The following IL18RAP variants were observed in gnomAD, a reference collection of about 807,000 sequenced individuals.
IL18RAP encodes the protein interleukin-18 receptor accessory protein.
Under a neutral mutation model 58.1 loss-of-function variants are expected in IL18RAP, and 37 were observed. The observed-to-expected ratio is 0.64, with a 90% confidence interval of 0.49 to 0.84. IL18RAP has a LOEUF of 0.84. Among genes scored for constraint, IL18RAP ranks in the 40% least tolerant of loss-of-function variants. The pLI, the probability that IL18RAP is intolerant of heterozygous loss-of-function variation, is 0.00. For missense variants in IL18RAP, 667 were observed against 704.8 expected, an observed-to-expected ratio of 0.95 and a Z score of 0.61; for synonymous variants, 268 against 257.5, an observed-to-expected ratio of 1.04 and a Z score of -0.39.
chr2:102,426,627 A>G (rs1382826375), intron 3 of IL18RAP, among the ~76,000 whole-genome samples: 1 of 152,168 alleles, frequency 6.6e-6, no homozygotes, highest in Non-Finnish European at 1.5e-5. Context: ...CAGGGAGAAG[A>G]ATGAAATTGT....
At chr2:102,448,726 A>T (rs1157726779) in intron 8 of IL18RAP, among the ~76,000 whole-genome samples, 1 of 150,640 alleles carries the variant, frequency 6.6e-6, no homozygotes, top group East Asian at 2.0e-4. Flanking sequence ...TTGGGAGGCC[A>T]AAGTGGGAGG....
At chr2:102,428,740 T>C (rs1682135734) in intron 3 of IL18RAP, among the ~76,000 whole-genome samples, 1 of 151,980 alleles carries the variant, frequency 6.6e-6, no homozygotes, top group African/African-American at 2.4e-5. Context: ...TCCAGTGCTA[T>C]GATGAAACGA....
At chr2:102,426,808 T>C (rs767017425) in intron 3 of IL18RAP, among the ~76,000 whole-genome samples, 1 of 151,218 alleles carries the variant, frequency 6.6e-6, no homozygotes, top group African/African-American at 2.4e-5. Flanking sequence ...AATACAATAT[T>C]ATTGGCTATA....
intron 3 of IL18RAP, among the ~76,000 whole-genome samples, chr2:102,429,338 G>T (rs1682182106): frequency 6.6e-6 from 1 of 151,716 alleles, no homozygotes; most frequent in African/African-American, 2.4e-5. Context: ...TTTCTTTTAG[G>T]TTATTCATTT....
chr2:102,432,743 G>A (rs1480164810), intron 3 of IL18RAP, among the ~76,000 whole-genome samples: 1 of 152,220 alleles, frequency 6.6e-6, no homozygotes, highest in African/African-American at 2.4e-5. Flanking sequence ...GGGGAAGGCT[G>A]CAGGAAGGTG....
intron 1 of IL18RAP, among the ~76,000 whole-genome samples, 168 bp downstream of exon 1, chr2:102,423,515 C>T (rs1681714345): frequency 6.6e-6 from 1 of 152,132 alleles, no homozygotes; most frequent in Non-Finnish European, 1.5e-5. Context: ...TCAGCTGATA[C>T]CAAGCATTGT....
intron 3 of IL18RAP, among the ~76,000 whole-genome samples, chr2:102,430,893 GATTA>G (rs1380657687): frequency 6.6e-6 from 1 of 152,026 alleles, no homozygotes; most frequent in East Asian, 1.9e-4. Context: ...GTTTCTTAAT[GATTA>G]ATTACAGCTA....
chr2:102,423,380 G>A, intron 1 of IL18RAP, 33 bp downstream of exon 1: 1 of 1,560,292 alleles, frequency 6.4e-7, no homozygotes, highest in Non-Finnish European at 8.8e-7. Flanking sequence ...TTAGCACTGT[G>A]AGTCTGTGGT....
At position 102,443,294 on chromosome 2, in the gene IL18RAP, G is replaced by A. The variant is rs201331437; in HGVS notation, c.891G>A (p.Glu297=). 1.4e-5 allele frequency: 22 copies of A among 1,613,738 alleles called. No homozygotes were observed. In the Admixed American group the frequency reaches 3.2e-4, roughly 23 times the overall value. Residue 297 remains glutamate, a synonymous_variant, in exon 6 of 10, where the codon GAG becomes GAA. Transcript: ENST00000687160. The part of the protein sequence containing the change: ...IKWYIKDSDL[E]WEVSVPEAKS... The stretch of plus-strand genomic sequence containing the variant: ...GGTACATCAAAGATTCTGACCTAGA[G>A]TGGGAAGTCTCAGTACCTGAGGCGA...
At chr2:102,438,789 A>G (rs547930660) in intron 4 of IL18RAP, 1 of 152,394 alleles carries the variant, frequency 6.6e-6, no homozygotes, top group East Asian at 1.9e-4. Context: ...TAAGGCTACA[A>G]GAATGAGTGC....
intron 3 of IL18RAP, among the ~76,000 whole-genome samples, chr2:102,429,085 G>A (rs2104312888): frequency 6.6e-6 from 1 of 151,938 alleles, no homozygotes; most frequent in Middle Eastern, 3.4e-3. Context: ...TTTAATGTAT[G>A]GTTGAATTTG....
chr2:102,419,956 T>C (rs762956611), upstream of IL18RAP, among the ~76,000 whole-genome samples: 18 of 152,352 alleles, frequency 1.2e-4, no homozygotes, highest in Non-Finnish European at 2.5e-4. Context: ...GAAGCTTGCT[T>C]TGGCTTAAGT....
At chr2:102,449,953 G>T (rs1683660987) in intron 8 of IL18RAP, among the ~76,000 whole-genome samples, 2 of 151,872 alleles carry the variant, frequency 1.3e-5, no homozygotes. Flanking sequence ...CTTCCCTTTT[G>T]GTACCTGGTA....
At chr2:102,443,346 C>T in intron 6 of IL18RAP, 23 bp downstream of exon 6, 1 of 1,608,474 alleles carries the variant, frequency 6.2e-7, no homozygotes, top group South Asian at 1.1e-5. Flanking sequence ...CTCACGGATT[C>T]TGTTCTCTGC....
chr2:102,448,288 G>A (rs1007515532), intron 8 of IL18RAP, among the ~76,000 whole-genome samples: 1 of 152,188 alleles, frequency 6.6e-6, no homozygotes, highest in East Asian at 1.9e-4. Context: ...ACCTCAGTTA[G>A]CCTCATCTGT....
At chr2:102,443,006 T>C (rs1252371866) in intron 5 of IL18RAP, among the ~76,000 whole-genome samples, 194 bp from the exon 6 acceptor site, 1 of 152,222 alleles carries the variant, frequency 6.6e-6, no homozygotes, top group African/African-American at 2.4e-5. Flanking sequence ...GATTGCCCAT[T>C]AGAAAAAATG....
intron 4 of IL18RAP, chr2:102,438,852 G>A (rs1682919098): frequency 6.6e-6 from 1 of 152,264 alleles, no homozygotes; most frequent in African/African-American, 2.4e-5. Flanking sequence ...AGAAGACAAA[G>A]GTGAAGCAGG....
At position 102,424,354 on chromosome 2, in the gene IL18RAP, T is replaced by C. The variant is rs767996095; in HGVS notation, c.519T>C (p.Ile173=). The C allele has an allele frequency of 1.2e-6, 2 of 1,614,082 alleles. No individual in the cohort carries two copies. The highest frequency in any genetic ancestry group is 1.3e-5 in the African/African-American group (1 of 75,026). The part of the protein sequence containing the change: ...QDLLLGSTGS[I]SCPSLSCQSD... The stretch of plus-strand genomic sequence containing the variant: ...TACTTCTTGGGAGCACTGGCTCTAT[T>C]TCTTGCCCCAGTCTCAGCTGCCAAA... The change falls in exon 3 of 10, where the codon ATT becomes ATC. Residue 173 remains isoleucine, a synonymous_variant. Transcript: ENST00000687160.
At chr2:102,426,127 A>G (rs2104300410) in intron 3 of IL18RAP, among the ~76,000 whole-genome samples, 1 of 152,300 alleles carries the variant, frequency 6.6e-6, no homozygotes, top group East Asian at 1.9e-4. Flanking sequence ...GCAGTAGTAC[A>G]TCACTAAAAG....
Sources: gnomAD v4.1 joint callset for allele counts (sites outside exome capture counted in the v4.1 genomes callset) on GRCh38, gnomAD v4.1.1 for gene constraint, MANE v1.5 for transcripts, NCBI Gene and HGNC (gene_info 2026-07-23, HGNC 2026-07-21) for gene names.